MED27: variants seen among roughly 807,000 people sequenced by gnomAD.
The protein encoded by MED27 is mediator of RNA polymerase II transcription subunit 27.
A neutral mutation model predicts 38.2 loss-of-function variants in MED27; 30 were observed. The ratio of observed to expected loss-of-function variants is 0.79; its 90% confidence interval spans 0.59 to 1.07. The LOEUF is 1.07. Ranked by LOEUF, MED27 falls within the 50% of genes least tolerant of loss-of-function variation. MED27 has a pLI of 0.00. For missense variants in MED27, 289 were observed against 397.5 expected (o/e 0.73, Z 2.32); for synonymous variants, 122 against 153.5 (o/e 0.79, Z 1.52).
At chr9:132,017,126 T>C (rs1053322918) in intron 2 of MED27, among the ~76,000 whole-genome samples, 1 of 152,186 alleles carries the variant, frequency 6.6e-6, no homozygotes, top group East Asian at 1.9e-4. Context: ...CCATTAAATA[T>C]TTACTGAACC....
intron 3 of MED27, among the ~76,000 whole-genome samples, chr9:131,964,632 TG>T (rs1831302192): frequency 6.6e-6 from 1 of 152,046 alleles, no homozygotes. Flanking sequence ...GAATTTGGAT[TG>T]GTGATATTGA....
intron 2 of MED27, among the ~76,000 whole-genome samples, chr9:132,041,990 A>G (rs1308542138): frequency 3.9e-5 from 6 of 152,234 alleles, no homozygotes; most frequent in African/African-American, 1.4e-4. Context: ...AAACAGGACC[A>G]TCTGTTGTTA....
At chr9:132,054,291 A>G (rs1363868473) in intron 2 of MED27, among the ~76,000 whole-genome samples, 1 of 152,170 alleles carries the variant, frequency 6.6e-6, no homozygotes, top group Non-Finnish European at 1.5e-5. Flanking sequence ...TGCTCTGACC[A>G]TGTGAGGTAC....
chr9:132,059,623 T>G (rs1256653538), intron 2 of MED27, among the ~76,000 whole-genome samples: 4 of 152,172 alleles, frequency 2.6e-5, no homozygotes, highest in Admixed American at 2.6e-4. Flanking sequence ...GTGGAAGCCT[T>G]AAACACAAGA....
chr9:131,977,205 C>T (rs1435537097), intron 3 of MED27, among the ~76,000 whole-genome samples: 2 of 152,128 alleles, frequency 1.3e-5, no homozygotes, highest in African/African-American at 2.4e-5. Context: ...GAAGCCCCTA[C>T]GCAGAGCAGA....
intron 4 of MED27, among the ~76,000 whole-genome samples, chr9:131,906,376 T>C (rs998208441): frequency 1.3e-5 from 2 of 152,254 alleles, no homozygotes; most frequent in African/African-American, 4.8e-5. Flanking sequence ...AGGTCATCCA[T>C]GCCCAGTGCC....
Position 131,982,388 on chromosome 9 carries a change from A to T in MED27, c.479+31949T>A, listed in dbSNP as rs1831754944. Reference sequence around the variant, plus strand: ...CCCAACCAACCACACAACTGAATACAACTCCCTGAATGATCACTGACAAGA... The same window carrying T: ...CCCAACCAACCACACAACTGAATACTACTCCCTGAATGATCACTGACAAGA... On this transcript the variant is annotated intron_variant, in intron 3 of 7. Transcript: ENST00000292035. The surrounding 1 kb of genome is among the most constrained non-coding windows in gnomAD (Gnocchi z 4.3). Among the ~76,000 whole-genome samples the T allele has an allele frequency of 6.6e-6, 1 of 152,190 alleles. No individual in the cohort carries two copies. The highest frequency in any genetic ancestry group is 1.5e-5 in the Non-Finnish European group (1 of 68,026).
intron 4 of MED27, among the ~76,000 whole-genome samples, chr9:131,912,385 C>A (rs1956465292): frequency 6.6e-6 from 1 of 152,222 alleles, no homozygotes; most frequent in South Asian, 2.1e-4. Context: ...TTGGGAAACA[C>A]TGTTACATTA....
chr9:131,964,400 G>C (rs1049810231), intron 3 of MED27, among the ~76,000 whole-genome samples: 1 of 127,468 alleles, frequency 7.8e-6, no homozygotes, highest in Non-Finnish European at 1.8e-5. Context: ...TGGTGATGCT[G>C]GAGGTGATAG....
chr9:131,956,778 T>C (rs1347163853), intron 3 of MED27, among the ~76,000 whole-genome samples: 2 of 150,188 alleles, frequency 1.3e-5, no homozygotes, highest in Non-Finnish European at 3.0e-5. Context: ...ATCACCTCAA[T>C]AAATGCAGAA....
chr9:131,861,458 A>G lies in MED27; in HGVS notation c.802-786T>C, dbSNP rs1040132131. Among the ~76,000 whole-genome samples, 2 of 152,206 alleles carry G rather than the reference A, an allele frequency of 1.3e-5. No homozygotes were observed. Among genetic ancestry groups the G allele is most frequent in the Non-Finnish European group, 2.9e-5 (2 of 68,044 alleles). On this transcript the variant is annotated intron_variant, in intron 7 of 7. Coordinates refer to ENST00000292035, the MANE Select transcript of MED27 (RefSeq NM_004269.4). This position sits in a 1 kb window ranked among gnomAD's most constrained non-coding sequence, Gnocchi z 4.4. ...TGAATTAAGAGAAAACTGTTATTTG[A>G]AGAGGTTGGCCGAGCTTATTGATAC...
chr9:132,058,482 G>A (rs1833627728), intron 2 of MED27, among the ~76,000 whole-genome samples: 1 of 151,828 alleles, frequency 6.6e-6, no homozygotes, highest in African/African-American at 2.4e-5. Context: ...TTCTCTCTCG[G>A]TATCATAAGG....
At chr9:132,062,691 C>T (rs1477497347) in intron 2 of MED27, among the ~76,000 whole-genome samples, 1 of 151,764 alleles carries the variant, frequency 6.6e-6, no homozygotes, top group Non-Finnish European at 1.5e-5. Context: ...GATCACAGCT[C>T]ACTATAGCCT....
At chr9:131,999,697 A>T (rs1832178186) in intron 3 of MED27, among the ~76,000 whole-genome samples, 2 of 152,240 alleles carry the variant, frequency 1.3e-5, no homozygotes, top group African/African-American at 4.8e-5. Flanking sequence ...AAGAATCTAG[A>T]CTTCAGTGCT....
At chr9:132,014,142 G>A (rs1832542354) in intron 3 of MED27, among the ~76,000 whole-genome samples, 195 bp downstream of exon 3, 1 of 151,988 alleles carries the variant, frequency 6.6e-6, no homozygotes, top group African/African-American at 2.4e-5. Context: ...AGGGGGTGGG[G>A]GAGGGCAGAG....
chr9:132,004,265 G>A (rs988476195), intron 3 of MED27, among the ~76,000 whole-genome samples: 1 of 152,148 alleles, frequency 6.6e-6, no homozygotes, highest in Non-Finnish European at 1.5e-5. Flanking sequence ...TAACGACAGA[G>A]AGCATTTAAA....
At chr9:132,074,932 C>A (rs148052099) in intron 2 of MED27, among the ~76,000 whole-genome samples, 122 of 152,314 alleles carry the variant, frequency 8.0e-4, no homozygotes, top group Non-Finnish European at 1.4e-3. Context: ...CAGAGAGTTA[C>A]AAGGATTCTA....
chr9:132,077,402 G>A, intron 2 of MED27, 40 bp downstream of exon 2: 1 of 1,582,844 alleles, frequency 6.3e-7, no homozygotes, highest in Non-Finnish European at 8.6e-7. Context: ...AGAAAACTTG[G>A]TTTTCCATAT....
chr9:131,894,258 T>C (rs1275106897), intron 4 of MED27, among the ~76,000 whole-genome samples: 1 of 152,264 alleles, frequency 6.6e-6, no homozygotes, highest in Non-Finnish European at 1.5e-5. Context: ...AAGTTTCATA[T>C]GTTTACTATC....
Sources: gnomAD v4.1 joint callset for allele counts (sites outside exome capture counted in the v4.1 genomes callset) on GRCh38, gnomAD v4.1.1 for gene constraint, Gnocchi (gnomAD v3.1) non-coding constraint, MANE v1.5 for transcripts, NCBI Gene and HGNC (gene_info 2026-07-23, HGNC 2026-07-21) for gene names.